The following SLC25A24 variants were observed in gnomAD, a reference collection of about 807,000 sequenced individuals.
SLC25A24 encodes solute carrier family 25 member 24.
A neutral mutation model predicts 60.7 loss-of-function variants in SLC25A24; 49 were observed. That is an observed-to-expected ratio of 0.81 (90% CI 0.64 to 1.02). The LOEUF (loss-of-function observed/expected upper bound fraction) is 1.02. SLC25A24 is among the 50% of genes least tolerant of loss of function. The probability of loss-of-function intolerance (pLI) is 0.00; values close to 1 mark genes in which losing one functional copy is unlikely to be tolerated. For synonymous variants in SLC25A24, 202 were observed against 200.6 expected, an observed-to-expected ratio of 1.01 and a Z score of -0.06; for missense variants, 564 against 586.3, an observed-to-expected ratio of 0.96 and a Z score of 0.39.
intron 4 of SLC25A24, 143 bp from the exon 5 acceptor site, chr1:108,157,763 TAG>T: frequency 2.4e-6 from 2 of 850,230 alleles, no homozygotes; most frequent in Non-Finnish European, 3.6e-6. Context: ...TTTGAGTACA[TAG>T]ATTATAAGTT....
At chr1:108,136,973 T>A (rs1679306925) in intron 9 of SLC25A24, 136 bp from the exon 10 acceptor site, 1 of 796,818 alleles carries the variant, frequency 1.3e-6, no homozygotes, top group Non-Finnish European at 2.0e-6. Flanking sequence ...CAAGACAACA[T>A]CCCTTTTATG....
At chr1:108,156,436 G>C (rs1679901610) in intron 5 of SLC25A24, among the ~76,000 whole-genome samples, 1 of 152,162 alleles carries the variant, frequency 6.6e-6, no homozygotes, top group African/African-American at 2.4e-5. Flanking sequence ...TAAAAGTCAA[G>C]TTACTACTGT....
At chr1:108,143,419 C>T (rs1436039825) in intron 8 of SLC25A24, 124 bp downstream of exon 8, 16 of 775,934 alleles carry the variant, frequency 2.1e-5, no homozygotes, top group Non-Finnish European at 2.8e-5. Flanking sequence ...GTTCAAATAA[C>T]ACATGCTTGA....
intron 1 of SLC25A24, among the ~76,000 whole-genome samples, chr1:108,189,854 TA>T (rs1224003979): frequency 6.2e-5 from 8 of 128,392 alleles, no homozygotes; most frequent in Admixed American, 7.4e-5. Context: ...AAAGATAAAG[TA>T]AAAAAAAATT....
chr1:108,180,091 C>T (rs976449247), intron 3 of SLC25A24, among the ~76,000 whole-genome samples: 16 of 152,010 alleles, frequency 1.1e-4, no homozygotes, highest in African/African-American at 3.6e-4. Flanking sequence ...TGGCTAGGTG[C>T]GGTGGCTCAC....
intron 2 of SLC25A24, among the ~76,000 whole-genome samples, chr1:108,183,889 G>C (rs377529611): frequency 1.3e-5 from 2 of 152,164 alleles, no homozygotes; most frequent in Admixed American, 6.5e-5. Flanking sequence ...TCACTGCTCT[G>C]TGCATGTCCA....
chr1:108,166,816 T>A (rs1049070336), intron 3 of SLC25A24, among the ~76,000 whole-genome samples: 1 of 152,248 alleles, frequency 6.6e-6, no homozygotes, highest in African/African-American at 2.4e-5. Flanking sequence ...CCATCCAGCT[T>A]TGTTCCGTTG....
intron 4 of SLC25A24, among the ~76,000 whole-genome samples, chr1:108,159,954 A>C (rs2101616814): frequency 6.6e-6 from 1 of 152,090 alleles, no homozygotes; most frequent in South Asian, 2.1e-4. Flanking sequence ...CATTGTCATC[A>C]TGGCCCGTTC....
At chr1:108,189,101 G>A (rs1236989278) in intron 1 of SLC25A24, among the ~76,000 whole-genome samples, 3 of 152,058 alleles carry the variant, frequency 2.0e-5, no homozygotes, top group African/African-American at 7.2e-5. Flanking sequence ...CACTCTTTGG[G>A]GCCACAGTTT....
At chr1:108,177,008 T>A (rs1343409717) in intron 3 of SLC25A24, among the ~76,000 whole-genome samples, 1 of 152,136 alleles carries the variant, frequency 6.6e-6, no homozygotes, top group African/African-American at 2.4e-5. Context: ...ATCACTTACA[T>A]CTGTAGTAGG....
intron 8 of SLC25A24, among the ~76,000 whole-genome samples, chr1:108,143,198 GA>G (rs2101599351): frequency 6.6e-6 from 1 of 152,322 alleles, no homozygotes; most frequent in South Asian, 2.1e-4. Flanking sequence ...TACAAGGAAT[GA>G]AACTGTATTA....
At chr1:108,169,584 C>T (rs1187102700) in intron 3 of SLC25A24, among the ~76,000 whole-genome samples, 1 of 152,100 alleles carries the variant, frequency 6.6e-6, no homozygotes, top group African/African-American at 2.4e-5. Flanking sequence ...CATATACTGT[C>T]TGCTTTTGGT....
At chr1:108,178,014 T>C (rs528153275) in intron 3 of SLC25A24, among the ~76,000 whole-genome samples, 2 of 152,024 alleles carry the variant, frequency 1.3e-5, no homozygotes, top group South Asian at 2.1e-4. Flanking sequence ...AATACAAAAA[T>C]TAGCTGGGCG....
At chr1:108,189,223 A>G (rs1044305147) in intron 1 of SLC25A24, among the ~76,000 whole-genome samples, 2 of 152,184 alleles carry the variant, frequency 1.3e-5, no homozygotes, top group Admixed American at 6.5e-5. Flanking sequence ...AAGAGTTATG[A>G]TTGCCTAATG....
intron 3 of SLC25A24, among the ~76,000 whole-genome samples, chr1:108,165,302 A>T (rs1163990492): frequency 1.3e-5 from 2 of 152,146 alleles, no homozygotes; most frequent in African/African-American, 2.4e-5. Context: ...GTAGATGTGT[A>T]TTAGGTCTGC....
At chr1:108,151,342 C>CTACTGT (rs1329673791) in intron 6 of SLC25A24, among the ~76,000 whole-genome samples, 2 of 152,192 alleles carry the variant, frequency 1.3e-5, no homozygotes, top group African/African-American at 4.8e-5. Context: ...AAATGTGTCT[C>CTACTGT]TACTGTCCAA....
intron 3 of SLC25A24, among the ~76,000 whole-genome samples, chr1:108,166,699 A>AT (rs903465302): frequency 3.3e-5 from 5 of 151,342 alleles, no homozygotes; most frequent in African/African-American, 7.3e-5. Context: ...ATTCTTCTAC[A>AT]TTTTTTTCAA....
Position 108,136,316 on chromosome 1 carries a change from A to G in SLC25A24, c.*337T>C, listed in dbSNP as rs1486449875. On this transcript the variant is annotated 3_prime_UTR_variant, in exon 10 of 10. Transcript: ENST00000565488. ...GGCATAAACGTAAACCACCCGAAAT[A>G]AAGATTAATGATTTATAACTCTAAC... 5.9e-6 allele frequency: 1 copy of G among 168,480 alleles called. No homozygotes were observed. The highest frequency in any genetic ancestry group is 1.3e-5 in the Non-Finnish European group (1 of 78,994). 10.4% of individuals were successfully genotyped at this position (168,480 alleles called of 1,614,324 possible). A position where few individuals can be genotyped will look rare whatever the true frequency, so the allele number is the denominator to read the frequency against.
intron 4 of SLC25A24, among the ~76,000 whole-genome samples, chr1:108,159,901 A>G (rs920286118): frequency 5.3e-5 from 8 of 151,094 alleles, no homozygotes; most frequent in African/African-American, 1.9e-4. Context: ...CGATTTCTCA[A>G]TCTTTTCCCC....
Sources: allele counts gnomAD v4.1 joint callset (sites outside exome capture counted in the v4.1 genomes callset), GRCh38; gene constraint gnomAD v4.1.1; transcripts MANE v1.5; gene names NCBI Gene and HGNC (gene_info 2026-07-23, HGNC 2026-07-21).